Variants in NBEA observed in about 807,000 individuals in gnomAD.
The protein encoded by NBEA is neurobeachin.
NBEA carries 44 observed loss-of-function variants against 343.4 expected under a neutral mutation model. The observed-to-expected ratio is 0.13, with a 90% confidence interval of 0.10 to 0.16. The LOEUF (loss-of-function observed/expected upper bound fraction) is 0.16. NBEA is among the 10% of genes least tolerant of loss of function. The pLI is 1.00. For missense variants in NBEA, 2,555 were observed against 3,631.3 expected (o/e 0.70, Z 7.62); for synonymous variants, 1,175 against 1,238.7 (o/e 0.95, Z 1.08).
intron 1 of NBEA, among the ~76,000 whole-genome samples, chr13:35,005,140 G>T (rs1182920289): frequency 6.6e-6 from 1 of 151,654 alleles, no homozygotes; most frequent in Non-Finnish European, 1.5e-5. Flanking sequence ...ATTAGCATTT[G>T]TTCTGGACTA....
intron 36 of NBEA, among the ~76,000 whole-genome samples, chr13:35,317,873 G>A (rs898861679): frequency 3.9e-5 from 6 of 152,104 alleles, no homozygotes; most frequent in African/African-American, 1.2e-4. Context: ...TGGTGAATGG[G>A]AGTTCACTCA....
chr13:35,537,166 A>C (rs2078597594), intron 41 of NBEA, among the ~76,000 whole-genome samples: 1 of 152,128 alleles, frequency 6.6e-6, no homozygotes, highest in African/African-American at 2.4e-5. Flanking sequence ...CTTCTGAAAA[A>C]CTGGAATTTT....
chr13:35,043,657 C>T (rs149096144), intron 2 of NBEA, among the ~76,000 whole-genome samples: 419 of 151,764 alleles, frequency 2.8e-3, no homozygotes, highest in Non-Finnish European at 4.5e-3. Flanking sequence ...TCCACTGTCA[C>T]AATTTTGTCA....
intron 38 of NBEA, among the ~76,000 whole-genome samples, chr13:35,355,277 CT>C (rs967948958): frequency 4.7e-4 from 71 of 152,150 alleles, no homozygotes; most frequent in African/African-American, 1.5e-3. Flanking sequence ...TATTTTTCCC[CT>C]GTCCTCCTAA....
chr13:35,099,498 C>T (rs969838970), intron 11 of NBEA, among the ~76,000 whole-genome samples: 12 of 152,216 alleles, frequency 7.9e-5, no homozygotes, highest in African/African-American at 2.2e-4. Context: ...CCGCGCCTGG[C>T]CTTAGACTGT....
At chr13:35,431,692 A>G (rs1429256845) in intron 38 of NBEA, among the ~76,000 whole-genome samples, 2 of 152,204 alleles carry the variant, frequency 1.3e-5, no homozygotes, top group African/African-American at 4.8e-5. Flanking sequence ...AGTATTATTA[A>G]TAATGGATAA....
intron 30 of NBEA, among the ~76,000 whole-genome samples, chr13:35,187,819 T>G (rs1174966187): frequency 6.6e-6 from 1 of 152,166 alleles, no homozygotes; most frequent in Non-Finnish European, 1.5e-5. Flanking sequence ...CAACTTTATC[T>G]CATGCTATTC....
At chr13:35,161,012 A>G (rs1003895036) in intron 22 of NBEA, among the ~76,000 whole-genome samples, 2 of 152,192 alleles carry the variant, frequency 1.3e-5, no homozygotes, top group East Asian at 3.9e-4. Context: ...TACTCCAGTA[A>G]GAATCCTTCA....
At chr13:35,208,264 G>T (rs1411441650) in intron 31 of NBEA, among the ~76,000 whole-genome samples, 1 of 152,006 alleles carries the variant, frequency 6.6e-6, no homozygotes, top group African/African-American at 2.4e-5. Context: ...AAAGAATTTG[G>T]CATTCAAATG....
intron 41 of NBEA, among the ~76,000 whole-genome samples, chr13:35,539,942 A>AAAAAAAAAAAAAT (rs1566289232): frequency 1.8e-4 from 26 of 147,794 alleles, no homozygotes; most frequent in Non-Finnish European, 3.7e-4. Context: ...AAAAAAAAAA[A>AAAAAAAAAAAAAT]GTGCACTAGT....
intron 36 of NBEA, among the ~76,000 whole-genome samples, chr13:35,325,943 T>C (rs777606097): frequency 1.2e-4 from 18 of 152,116 alleles, no homozygotes; most frequent in Non-Finnish European, 2.5e-4. Context: ...TGTTGTCAAC[T>C]TTGTTGACAG....
At position 35,298,172 on chromosome 13, in the gene NBEA, AGT is replaced by A. The variant is rs373685774; in HGVS notation, c.5838+7735_5838+7736del. 1.4e-3 allele frequency among the ~76,000 whole-genome samples: 200 copies of A among 138,108 alleles called. 1 individual carries two copies. Among genetic ancestry groups the A allele is most frequent in the African/African-American group, 5.1e-3 (189 of 36,874 alleles). 90.6% of individuals were successfully genotyped at this position (138,108 alleles called of 152,430 possible). The stretch of plus-strand genomic sequence containing the variant: ...TAAAAATATATATAGATACATAGCC[AGT>A]GTGTGTGTGTGTATGTGTGTGTGTG... On this transcript the variant is annotated intron_variant, in intron 35 of 58. Coordinates refer to ENST00000379939, the MANE Select transcript of NBEA (RefSeq NM_001385012.1).
At chr13:35,646,174 G>A (rs1050185457) in intron 50 of NBEA, 85 bp from the exon 51 acceptor site, 137 of 1,041,502 alleles carry the variant, frequency 1.3e-4, no homozygotes, top group Non-Finnish European at 1.9e-4. Flanking sequence ...TGGCTGACTT[G>A]GGATACACTT....
At chr13:35,452,725 C>T (rs1308658531) in intron 40 of NBEA, among the ~76,000 whole-genome samples, 4 of 152,194 alleles carry the variant, frequency 2.6e-5, no homozygotes, top group African/African-American at 9.7e-5. Context: ...ATTCTTTCCC[C>T]TACCACCTCA....
chr13:35,278,517 A>C (rs1463928117), intron 34 of NBEA, among the ~76,000 whole-genome samples: 1 of 152,196 alleles, frequency 6.6e-6, no homozygotes, highest in Non-Finnish European at 1.5e-5. Flanking sequence ...GATTCTATAA[A>C]TGATTTGTCA....
intron 41 of NBEA, among the ~76,000 whole-genome samples, chr13:35,507,460 T>TGA (rs1417263318): frequency 6.6e-6 from 1 of 152,124 alleles, no homozygotes. Flanking sequence ...CATTTCTGCT[T>TGA]GAGAGTCCAA....
At chr13:35,098,242 C>G in intron 10 of NBEA, 55 bp from the exon 11 acceptor site, 2 of 1,221,080 alleles carry the variant, frequency 1.6e-6, no homozygotes, top group African/African-American at 1.5e-5. Context: ...AAGTGGGACA[C>G]TGTTTATAAT....
chr13:35,629,120 C>T (rs2083349046), intron 49 of NBEA, among the ~76,000 whole-genome samples: 1 of 152,052 alleles, frequency 6.6e-6, no homozygotes. Flanking sequence ...TAAAATATTA[C>T]TTAAATCATT....
At chr13:35,606,739 C>A (rs2082296699) in intron 48 of NBEA, among the ~76,000 whole-genome samples, 161 bp downstream of exon 48, 1 of 152,126 alleles carries the variant, frequency 6.6e-6, no homozygotes, top group Non-Finnish European at 1.5e-5. Flanking sequence ...TTACTGTTGT[C>A]TTGACAGCAT....
Sources: gnomAD v4.1 joint callset for allele counts (sites outside exome capture counted in the v4.1 genomes callset) on GRCh38, gnomAD v4.1.1 for gene constraint, MANE v1.5 for transcripts, NCBI Gene and HGNC (gene_info 2026-07-23, HGNC 2026-07-21) for gene names.